The following ADARB2 variants were observed in gnomAD, a reference collection of about 807,000 sequenced individuals.
The protein encoded by ADARB2 is adenosine deaminase RNA specific B2 (inactive).
In ADARB2, 25 loss-of-function variants were observed where a neutral mutation model predicts 62.2. The ratio of observed to expected loss-of-function variants is 0.40; its 90% CI spans 0.29 to 0.56. ADARB2 has a LOEUF of 0.56. Ranked by LOEUF, ADARB2 falls within the 20% of genes least tolerant of loss-of-function variation. ADARB2 has a pLI of 0.43. For synonymous variants in ADARB2, 572 were observed against 500.8 expected (o/e 1.14, Z -1.90); for missense variants, 1,071 against 1,077.4 (o/e 0.99, Z 0.08).
chr10:1,710,036 C>T (rs1164586123), intron 1 of ADARB2, among the ~76,000 whole-genome samples: 1 of 152,244 alleles, frequency 6.6e-6, no homozygotes, highest in Non-Finnish European at 1.5e-5. Context: ...ATAACCTTCT[C>T]TGCAAAGTGC....
chr10:1,410,375 C>T (rs1332288602), intron 1 of ADARB2, among the ~76,000 whole-genome samples: 1 of 152,128 alleles, frequency 6.6e-6, no homozygotes, highest in African/African-American at 2.4e-5. Context: ...GGATTCTCCT[C>T]GCTGCTGCCA....
chr10:1,539,819 GCCC>G (rs1231705900), intron 1 of ADARB2, among the ~76,000 whole-genome samples: 1 of 152,164 alleles, frequency 6.6e-6, no homozygotes, highest in Non-Finnish European at 1.5e-5. Context: ...CTTAGAAACA[GCCC>G]CCGTTAAATA....
chr10:1,693,376 A>G (rs77722205), intron 1 of ADARB2, among the ~76,000 whole-genome samples: 5,654 of 152,228 alleles, frequency 0.037, 135 homozygotes, highest in Middle Eastern at 0.078. Context: ...AGACCTGGAG[A>G]CTGCAAAACA....
At chr10:1,512,942 T>C (rs948948867) in intron 1 of ADARB2, among the ~76,000 whole-genome samples, 4 of 152,168 alleles carry the variant, frequency 2.6e-5, no homozygotes, top group Admixed American at 2.6e-4. Context: ...GCTGCTTACT[T>C]TAAAGTTCAC....
intron 2 of ADARB2, among the ~76,000 whole-genome samples, chr10:1,374,749 C>T (rs896504881): frequency 6.6e-6 from 1 of 152,236 alleles, no homozygotes; most frequent in Non-Finnish European, 1.5e-5. Context: ...CCGCATGCAT[C>T]ACTAATGACG....
intron 5 of ADARB2, 80 bp from the exon 6 acceptor site, chr10:1,233,925 G>T: frequency 5.2e-5 from 57 of 1,087,814 alleles, no homozygotes; most frequent in South Asian, 2.1e-4. Flanking sequence ...CTTGAGTCCT[G>T]TTTTGTAGAG....
At chr10:1,648,448 A>C (rs1483807353) in intron 1 of ADARB2, among the ~76,000 whole-genome samples, 1 of 152,108 alleles carries the variant, frequency 6.6e-6, no homozygotes, top group African/African-American at 2.4e-5. Flanking sequence ...CTTGTTTTAA[A>C]AGTGTGTTTT....
rs34113348 is a variant in ADARB2 at position 1,216,932 on chromosome 10, AG to A, written c.1682+18del. The A allele has an allele frequency of 0.24, 384,600 of 1,601,984 alleles. 50,026 individuals carry two copies. Among genetic ancestry groups the A allele is most frequent in the African/African-American group, 0.35 (26,320 of 74,936 alleles). ...ACCGGCCGCAGCCAACATCCTCGAG[AG>A]GAAGCCGTGGGCCTCACCTGGCGAT... On this transcript the variant is annotated intron_variant, in intron 7 of 9. Transcript: ENST00000381312.
At chr10:1,497,636 G>A (rs187306854) in intron 1 of ADARB2, among the ~76,000 whole-genome samples, 95 of 152,192 alleles carry the variant, frequency 6.2e-4, no homozygotes, top group Admixed American at 1.9e-3. Flanking sequence ...CATCAGTTAT[G>A]CTTTTTATAC....
intron 1 of ADARB2, among the ~76,000 whole-genome samples, chr10:1,669,421 G>GAC (rs373112804): frequency 6.6e-6 from 1 of 151,780 alleles, no homozygotes; most frequent in African/African-American, 2.4e-5. Flanking sequence ...GACACACACA[G>GAC]ACACACACAC....
intron 1 of ADARB2, among the ~76,000 whole-genome samples, chr10:1,606,612 G>T (rs1435729342): frequency 2.0e-5 from 3 of 152,158 alleles, no homozygotes; most frequent in African/African-American, 7.2e-5. Context: ...GGGAAGAAAA[G>T]GTGCAGGGAA....
chr10:1,191,258 TG>T (rs1168590633), intron 8 of ADARB2, among the ~76,000 whole-genome samples: 2 of 151,908 alleles, frequency 1.3e-5, no homozygotes, highest in Non-Finnish European at 2.9e-5. Context: ...TCCAGGAGGG[TG>T]GGGGGCCAGG....
chr10:1,204,005 C>T (rs927820582), intron 7 of ADARB2, among the ~76,000 whole-genome samples: 1 of 152,156 alleles, frequency 6.6e-6, no homozygotes, highest in Admixed American at 6.5e-5. Context: ...CCACCGTCTC[C>T]GTGTTGGTTC....
intron 1 of ADARB2, chr10:1,678,472 G>C (rs764106588): frequency 1.4e-5 from 6 of 436,146 alleles, no homozygotes; most frequent in Non-Finnish European, 1.8e-5. Context: ...AGGTCACCGA[G>C]AACTTTGGGG....
intron 4 of ADARB2, among the ~76,000 whole-genome samples, chr10:1,267,548 G>C (rs1469018834): frequency 6.6e-6 from 1 of 152,210 alleles, no homozygotes; most frequent in Non-Finnish European, 1.5e-5. Flanking sequence ...CCCTCTGTGA[G>C]ATGCTTCCAT....
chr10:1,324,928 CGTT>C, intron 3 of ADARB2, among the ~76,000 whole-genome samples: 1 of 152,332 alleles, frequency 6.6e-6, no homozygotes. Flanking sequence ...GTCTGTGAGG[CGTT>C]GTGCTCCGGC....
At chr10:1,724,154 A>T (rs965465353) in intron 1 of ADARB2, among the ~76,000 whole-genome samples, 10 of 152,172 alleles carry the variant, frequency 6.6e-5, no homozygotes, top group African/African-American at 2.4e-4. Flanking sequence ...GAAGCTGAAA[A>T]CATACAGCTG....
intron 1 of ADARB2, among the ~76,000 whole-genome samples, chr10:1,521,414 A>C (rs1832072699): frequency 6.6e-6 from 1 of 152,182 alleles, no homozygotes; most frequent in African/African-American, 2.4e-5. Flanking sequence ...AACCAAAAAT[A>C]ACATTCTAAG....
chr10:1,286,000 G>A (rs946604981), intron 3 of ADARB2, among the ~76,000 whole-genome samples: 2 of 151,914 alleles, frequency 1.3e-5, no homozygotes, highest in African/African-American at 4.8e-5. Flanking sequence ...GTGGGGCAAT[G>A]CGGAATCCAG....
Sources: allele counts gnomAD v4.1 joint callset (sites outside exome capture counted in the v4.1 genomes callset), GRCh38; gene constraint gnomAD v4.1.1; transcripts MANE v1.5; gene names NCBI Gene and HGNC (gene_info 2026-07-23, HGNC 2026-07-21).